TRHDE: variants seen among roughly 807,000 people sequenced by gnomAD.
TRHDE encodes the protein thyrotropin releasing hormone degrading enzyme.
In TRHDE, 72 loss-of-function variants were observed where a neutral mutation model predicts 125.7. The ratio of observed to expected loss-of-function variants is 0.57; its 90% CI spans 0.47 to 0.70. The LOEUF (loss-of-function observed/expected upper bound fraction) is 0.70, where lower values mean the gene tolerates loss of function less well. Among genes scored for constraint, TRHDE ranks in the 30% least tolerant of loss-of-function variants. TRHDE has a pLI of 0.00. For missense variants in TRHDE, 1,110 were observed against 1,327.1 expected, an observed-to-expected ratio of 0.84 and a Z score of 2.54; for synonymous variants, 509 against 509.1, an observed-to-expected ratio of 1.00 and a Z score of 0.00.
chr12:72,621,282 T>C (rs533637054), intron 14 of TRHDE, 77 bp downstream of exon 14: 14 of 925,558 alleles, frequency 1.5e-5, no homozygotes, highest in South Asian at 1.3e-4. Context: ...ATTGTGACTT[T>C]AGCTGCATGA....
rs150503727 is a variant in TRHDE at position 72,457,558 on chromosome 12, GT to G, written c.1316-12190del. ...AATTAAGCAACCTTTGGGTATCGGC[GT>G]TTTTTTTTTCCTCAGGGGCTTCAAC... On this transcript the variant is annotated intron_variant, in intron 3 of 18. Transcript: ENST00000261180. Among the ~76,000 whole-genome samples, 227 of 148,052 alleles carry G rather than the reference GT, an allele frequency of 1.5e-3. 1 individual carries two copies. Among genetic ancestry groups the G allele is most frequent in the African/African-American group, 5.2e-3 (212 of 40,502 alleles).
chr12:72,515,759 G>GT (rs1442302610), intron 6 of TRHDE, among the ~76,000 whole-genome samples: 9 of 151,910 alleles, frequency 5.9e-5, no homozygotes, highest in African/African-American at 2.2e-4. Context: ...TTCTTCTAGG[G>GT]TTTTTATGGT....
intron 2 of TRHDE, among the ~76,000 whole-genome samples, chr12:72,290,130 G>A (rs1880031744): frequency 6.6e-6 from 1 of 152,218 alleles, no homozygotes; most frequent in Non-Finnish European, 1.5e-5. Flanking sequence ...GCAGTCTAGG[G>A]ATGTGCTTCA....
intron 6 of TRHDE, among the ~76,000 whole-genome samples, chr12:72,528,618 A>T (rs992664079): frequency 6.6e-6 from 1 of 151,972 alleles, no homozygotes; most frequent in African/African-American, 2.4e-5. Context: ...CCTCCTGAGT[A>T]GCTAGGATTA....
At chr12:72,421,130 A>C (rs11179198) in intron 3 of TRHDE, among the ~76,000 whole-genome samples, 15,158 of 152,148 alleles carry the variant, frequency 0.1, 1,250 homozygotes, top group East Asian at 0.48. Context: ...CTCATTCTGC[A>C]TAAGAAATCA....
chr12:72,594,600 G>A (rs1871846833), intron 12 of TRHDE, among the ~76,000 whole-genome samples: 1 of 148,676 alleles, frequency 6.7e-6, no homozygotes, highest in Non-Finnish European at 1.5e-5. Flanking sequence ...ATTCCCACTT[G>A]TCATTTTATT....
chr12:72,222,726 G>A (rs1392915921), intron 2 of TRHDE, among the ~76,000 whole-genome samples: 1 of 152,062 alleles, frequency 6.6e-6, no homozygotes, highest in African/African-American at 2.4e-5. Flanking sequence ...ATCCCTTTCA[G>A]GATTGTTCCA....
At chr12:72,150,524 A>G (rs926853439) in intron 2 of TRHDE, among the ~76,000 whole-genome samples, 9 of 147,348 alleles carry the variant, frequency 6.1e-5, no homozygotes, top group African/African-American at 2.5e-5. Flanking sequence ...CATTAGGTAT[A>G]TCTCCTAATG....
intron 3 of TRHDE, among the ~76,000 whole-genome samples, chr12:72,390,689 T>C (rs574760306): frequency 1.1e-4 from 16 of 152,314 alleles, no homozygotes; most frequent in African/African-American, 3.6e-4. Flanking sequence ...ACCTTACCAT[T>C]GTAAAGACAC....
At chr12:72,598,353 T>C (rs1451561416) in intron 12 of TRHDE, among the ~76,000 whole-genome samples, 1 of 152,230 alleles carries the variant, frequency 6.6e-6, no homozygotes, top group African/African-American at 2.4e-5. Flanking sequence ...CATATCTTCT[T>C]TATATTAAAT....
Position 72,469,796 on chromosome 12 carries a change from G to A in TRHDE, c.1354G>A (p.Glu452Lys), listed in dbSNP as rs1283887482. The change falls in exon 4 of 19, where the codon GAG becomes AAG. Residue 452 changes from glutamate to lysine, a missense_variant. Physicochemically the swap from Glu to Lys is moderately conservative, Grantham distance 56 (BLOSUM62 1). Around this residue, in one of 5 missense-constraint regions of TRHDE, gnomAD observed 252 missense variants for 274.8 expected, o/e 0.92. Transcript: ENST00000261180. ...AVPKHPYAAM[E>K]NWGLSIFVEQ... ...GCCTAAGCATCCGTATGCTGCTATG[G>A]AGAACTGGGGACTAAGTATTTTTGT... is the stretch of plus-strand genomic sequence containing the variant. 1.2e-6 allele frequency: 2 copies of A among 1,613,956 alleles called. No individual in the cohort carries two copies.
intron 3 of TRHDE, among the ~76,000 whole-genome samples, chr12:72,465,623 A>G (rs1466785393): frequency 4.6e-5 from 7 of 152,094 alleles, no homozygotes; most frequent in African/African-American, 1.4e-4. Flanking sequence ...ATTGATGGAC[A>G]TTTGAGTTGT....
intron 2 of TRHDE, among the ~76,000 whole-genome samples, chr12:72,373,141 T>C (rs1336306549): frequency 3.9e-5 from 6 of 152,334 alleles, no homozygotes; most frequent in Non-Finnish European, 7.3e-5. Context: ...TATTTTATTC[T>C]GTTTGAAGCA....
intron 3 of TRHDE, among the ~76,000 whole-genome samples, chr12:72,425,543 A>T (rs1874147408): frequency 6.6e-6 from 1 of 152,044 alleles, no homozygotes; most frequent in African/African-American, 2.4e-5. Context: ...TAAGATCCTC[A>T]CCTTGTGACA....
chr12:72,392,060 G>A (rs1199205939), intron 3 of TRHDE, among the ~76,000 whole-genome samples: 2 of 152,108 alleles, frequency 1.3e-5, no homozygotes, highest in Non-Finnish European at 2.9e-5. Flanking sequence ...TGCCATGTGA[G>A]GACAAAGCAA....
chr12:72,467,729 C>T (rs564832979), intron 3 of TRHDE, among the ~76,000 whole-genome samples: 62 of 152,240 alleles, frequency 4.1e-4, no homozygotes, highest in Non-Finnish European at 7.4e-4. Flanking sequence ...GCAACAGAAT[C>T]GCTTGAACCC....
chr12:72,538,119 A>T (rs1287579697), intron 6 of TRHDE, among the ~76,000 whole-genome samples: 1 of 151,872 alleles, frequency 6.6e-6, no homozygotes, highest in South Asian at 2.1e-4. Flanking sequence ...TGCAGAAAAA[A>T]ATTTCTCCCA....
At chr12:72,556,357 G>A (rs1465707530) in intron 7 of TRHDE, among the ~76,000 whole-genome samples, 1 of 152,162 alleles carries the variant, frequency 6.6e-6, no homozygotes, top group Non-Finnish European at 1.5e-5. Context: ...TGAATCATTG[G>A]GAAGGATGAA....
At chr12:72,412,602 G>A (rs533957744) in intron 3 of TRHDE, among the ~76,000 whole-genome samples, 2 of 152,192 alleles carry the variant, frequency 1.3e-5, no homozygotes, top group African/African-American at 4.8e-5. Flanking sequence ...TTCAAGGTAT[G>A]TGGACAACAA....
Sources: allele counts gnomAD v4.1 joint callset (sites outside exome capture counted in the v4.1 genomes callset), GRCh38; gene constraint gnomAD v4.1.1; regional missense constraint gnomAD v4.1.1; transcripts MANE v1.5; gene names NCBI Gene and HGNC (gene_info 2026-07-23, HGNC 2026-07-21).